The following VAV1 variants were observed in gnomAD, a reference collection of about 807,000 sequenced individuals.
VAV1 encodes proto-oncogene vav.
VAV1 carries 33 observed loss-of-function variants against 128.1 expected under a neutral mutation model. That is an observed-to-expected ratio of 0.26 (90% CI 0.20 to 0.34). The LOEUF (loss-of-function observed/expected upper bound fraction) is 0.34, where lower values mean the gene tolerates loss of function less well. VAV1 is among the 10% of genes least tolerant of loss of function. VAV1 has a pLI of 1.00. For missense variants in VAV1, 715 were observed against 1,093.7 expected (o/e 0.65, Z 4.88); for synonymous variants, 394 against 409.8 (o/e 0.96, Z 0.47).
At chr19:6,796,596 C>G (rs1971141594) in intron 1 of VAV1, among the ~76,000 whole-genome samples, 1 of 152,172 alleles carries the variant, frequency 6.6e-6, no homozygotes, top group Admixed American at 6.5e-5. Flanking sequence ...ACCTCACTGG[C>G]TATTCCCTCT....
intron 26 of VAV1, among the ~76,000 whole-genome samples, chr19:6,854,981 A>T (rs555791439): frequency 3.9e-5 from 6 of 152,312 alleles, no homozygotes; most frequent in Admixed American, 3.3e-4. Flanking sequence ...TAGAGCTGGG[A>T]CTAAACCACT....
chr19:6,832,255 G>A (rs1599665734), intron 15 of VAV1, 55 bp downstream of exon 15: 4 of 1,550,810 alleles, frequency 2.6e-6, no homozygotes, highest in Non-Finnish European at 3.5e-6. Flanking sequence ...GGGCTGGGAA[G>A]GAGGAACGTG....
chr19:6,776,439 T>TCCAC (rs1970641315), intron 1 of VAV1, among the ~76,000 whole-genome samples: 2 of 140,996 alleles, frequency 1.4e-5, no homozygotes, highest in Non-Finnish European at 3.1e-5. Flanking sequence ...CATCCATCCA[T>TCCAC]CCATCCACCC....
intron 1 of VAV1, among the ~76,000 whole-genome samples, chr19:6,781,122 C>G (rs1317663550): frequency 6.6e-6 from 1 of 151,546 alleles, no homozygotes; most frequent in Admixed American, 6.6e-5. Flanking sequence ...AGGCTGGTCT[C>G]AAACTCCTGG....
rs372820509 is a variant in VAV1, at chr19:6,798,473, T to TAATA, written c.205-22206_205-22203dup. On this transcript the variant is annotated intron_variant, in intron 1 of 26. Coordinates refer to ENST00000602142, the MANE Select transcript of VAV1 (RefSeq NM_005428.4). Reference sequence around the variant, plus strand: ...TGAGACCAGCCTCATCTCTAATAAATAATAAATAAATAAATAAATAAATAA... The same window carrying TAATA: ...TGAGACCAGCCTCATCTCTAATAAATAATAAATAAATAAATAAATAAATAAATAA... Among the ~76,000 whole-genome samples, 963 of 151,392 alleles carry TAATA rather than the reference T, an allele frequency of 6.4e-3. 7 individuals are homozygous for TAATA. Among genetic ancestry groups the TAATA allele is most frequent in the African/African-American group, 0.018 (752 of 41,298 alleles).
At chr19:6,835,802 G>T (rs1034694872) in intron 19 of VAV1, 4 of 152,174 alleles carry the variant, frequency 2.6e-5, no homozygotes, top group African/African-American at 9.7e-5. Flanking sequence ...ACATTTGGTT[G>T]GTTGCCAGTT....
At chr19:6,824,995 A>T in intron 6 of VAV1, 58 bp from the exon 7 acceptor site, 1 of 1,568,568 alleles carries the variant, frequency 6.4e-7, no homozygotes, top group Admixed American at 1.7e-5. Context: ...TGTCTCTCTG[A>T]GACTGGTCTG....
Position 6,821,802 on chromosome 19 carries a change from C to A in VAV1, c.392C>A (p.Thr131Asn), listed in dbSNP as rs776311282. The change falls in exon 4 of 27, where the codon ACC becomes AAC. Residue 131 changes from threonine (T) to asparagine (N), a missense_variant. Around this residue, in one of 3 missense-constraint regions of VAV1, gnomAD observed 302 missense variants for 477.8 expected, o/e 0.63. Transcript: ENST00000602142. Reference protein sequence around the residue: ...AQNRGIMPFPTEEESVGDEDI... With the variant: ...AQNRGIMPFPNEEESVGDEDI... ...TCCTGACCCCCCAGGCCCTTCCCCA[C>A]CGAGGAGGAGAGTGTAGGTGATGAA... 6.2e-7 allele frequency: 1 copy of A among 1,614,196 alleles called. No homozygotes were observed. The highest frequency in any genetic ancestry group is 8.5e-7 in the Non-Finnish European group (1 of 1,180,018).
chr19:6,776,405 T>TATCC (rs59104898), intron 1 of VAV1, among the ~76,000 whole-genome samples: 2,821 of 87,686 alleles, frequency 0.032, 61 homozygotes, highest in South Asian at 0.07. Context: ...CCCACCCATC[T>TATCC]ATCCATCCAT....
intron 1 of VAV1, among the ~76,000 whole-genome samples, chr19:6,797,950 A>C (rs1971175893): frequency 1.3e-5 from 2 of 151,658 alleles, no homozygotes; most frequent in South Asian, 2.1e-4. Flanking sequence ...AAAAAAAAAA[A>C]ACCAGCTATA....
At position 6,772,806 on chromosome 19, in the gene VAV1, C is replaced by G. The variant is rs746507161; in HGVS notation, c.-2C>G. 6.2e-7 allele frequency: 1 copy of G among 1,612,880 alleles called. No individual in the cohort carries two copies. Among genetic ancestry groups the G allele is most frequent in the East Asian group, 2.2e-5 (1 of 44,870 alleles). On this transcript the variant is annotated 5_prime_UTR_variant, in exon 1 of 27. Transcript: ENST00000602142. This position sits in a 1 kb window ranked among gnomAD's most constrained non-coding sequence, Gnocchi z 4.8. ...ACGGCCGGCCCTGGGCAGGCGGTAG[C>G]CATGGAGCTGTGGCGCCAATGCACC...
At chr19:6,833,666 T>C (rs992369651) in intron 17 of VAV1, 41 bp downstream of exon 17, 3 of 1,614,108 alleles carry the variant, frequency 1.9e-6, no homozygotes, top group South Asian at 2.2e-5. Context: ...CTTGGTTCTC[T>C]TTGGAGGATT....
chr19:6,804,760 G>A (rs1348840573), intron 1 of VAV1, among the ~76,000 whole-genome samples: 3 of 139,232 alleles, frequency 2.2e-5, no homozygotes, highest in Non-Finnish European at 3.0e-5. Context: ...GTCTTGCTCT[G>A]TCGCACAGGC....
intron 25 of VAV1, 44 bp downstream of exon 25, chr19:6,853,123 C>T (rs1194377055): frequency 1.3e-6 from 2 of 1,580,170 alleles, no homozygotes; most frequent in East Asian, 2.3e-5. Flanking sequence ...AGCCCCTTCC[C>T]ATTGTGGAGG....
intron 1 of VAV1, among the ~76,000 whole-genome samples, chr19:6,802,203 G>T (rs564114672): frequency 6.6e-6 from 1 of 152,036 alleles, no homozygotes; most frequent in Non-Finnish European, 1.5e-5. Flanking sequence ...GGTCGGGGAA[G>T]TGGGGAGGGA....
At chr19:6,776,405 TATCCATCCATCC>T (rs59104898) in intron 1 of VAV1, among the ~76,000 whole-genome samples, 1,412 of 87,718 alleles carry the variant, frequency 0.016, 10 homozygotes, top group Non-Finnish European at 0.021. Flanking sequence ...CCCACCCATC[TATCCATCCATCC>T]ATCCATCCAT....
At chr19:6,797,906 GAC>G (rs1196705319) in intron 1 of VAV1, among the ~76,000 whole-genome samples, 1 of 151,308 alleles carries the variant, frequency 6.6e-6, no homozygotes, top group African/African-American at 2.4e-5. Context: ...TTAGGGGAAA[GAC>G]ACAGCAGGGC....
At chr19:6,774,326 C>T (rs1198239728) in intron 1 of VAV1, among the ~76,000 whole-genome samples, 3 of 148,288 alleles carry the variant, frequency 2.0e-5, no homozygotes, top group Non-Finnish European at 4.5e-5. Flanking sequence ...ACAGGGGTTT[C>T]ACCGTGTTAG....
At chr19:6,796,014 T>C (rs183466303) in intron 1 of VAV1, among the ~76,000 whole-genome samples, 23 of 152,222 alleles carry the variant, frequency 1.5e-4, no homozygotes, top group African/African-American at 5.5e-4. Flanking sequence ...TAGATATCCT[T>C]TCTTGTGACC....
Sources: allele counts gnomAD v4.1 joint callset (sites outside exome capture counted in the v4.1 genomes callset), GRCh38; gene constraint gnomAD v4.1.1; regional missense constraint gnomAD v4.1.1; non-coding constraint Gnocchi (gnomAD v3.1); transcripts MANE v1.5; gene names NCBI Gene and HGNC (gene_info 2026-07-23, HGNC 2026-07-21).